Variants in SORCS3 observed in about 807,000 individuals in gnomAD.
SORCS3 encodes sortilin related VPS10 domain containing receptor 3.
In SORCS3, 57 loss-of-function variants were observed where a neutral mutation model predicts 146.3. That is an observed-to-expected ratio of 0.39 (90% confidence interval 0.31 to 0.49). The LOEUF is 0.49. SORCS3 is among the 20% of genes least tolerant of loss of function. The pLI, the probability that SORCS3 is intolerant of heterozygous loss-of-function variation, is 0.92. For missense variants in SORCS3, 1,341 were observed against 1,575.5 expected, an observed-to-expected ratio of 0.85 and a Z score of 2.52; for synonymous variants, 653 against 618.5, an observed-to-expected ratio of 1.06 and a Z score of -0.83.
chr10:104,808,261 CA>C (rs779985509), intron 1 of SORCS3, among the ~76,000 whole-genome samples: 2 of 152,082 alleles, frequency 1.3e-5, no homozygotes, highest in Non-Finnish European at 2.9e-5. Flanking sequence ...ATCCATTTAC[CA>C]AGGATTTATT....
intron 4 of SORCS3, among the ~76,000 whole-genome samples, chr10:105,035,768 C>T (rs974547774): frequency 5.9e-5 from 9 of 152,118 alleles, no homozygotes; most frequent in African/African-American, 1.9e-4. Flanking sequence ...ACCCGGCCAT[C>T]AAGTGCTTAT....
chr10:105,026,387 G>A (rs1289188281), intron 4 of SORCS3, among the ~76,000 whole-genome samples: 1 of 152,214 alleles, frequency 6.6e-6, no homozygotes, highest in Non-Finnish European at 1.5e-5. Flanking sequence ...ATTGTGGGCA[G>A]TCTTCTCTTT....
chr10:104,908,775 C>T lies in SORCS3; in HGVS notation c.696-7058C>T, dbSNP rs1426454712. ...CAATTGGTGTAAATGCAGAGGAGGG[C>T]GTGGGTGGGAATTATAGGAAAGATC... On this transcript the variant is annotated intron_variant, in intron 2 of 26. Coordinates refer to ENST00000369701, the MANE Select transcript of SORCS3 (RefSeq NM_014978.3). Among the ~76,000 whole-genome samples the T allele has an allele frequency of 3.9e-5, 6 of 152,112 alleles. No homozygotes were observed. In the South Asian group the frequency reaches 8.3e-4, roughly 21 times the overall value.
At chr10:104,712,233 G>A (rs1045692915) in intron 1 of SORCS3, among the ~76,000 whole-genome samples, 2 of 152,078 alleles carry the variant, frequency 1.3e-5, no homozygotes, top group African/African-American at 4.8e-5. Flanking sequence ...AGGAAATGGG[G>A]GTTCAGAAAG....
At chr10:104,689,739 A>G (rs2016091050) in intron 1 of SORCS3, among the ~76,000 whole-genome samples, 3 of 151,988 alleles carry the variant, frequency 2.0e-5, no homozygotes, top group African/African-American at 7.3e-5. Flanking sequence ...CTGCTTCACC[A>G]TCATATACCC....
chr10:105,036,226 T>C (rs900315414), intron 4 of SORCS3, among the ~76,000 whole-genome samples: 3 of 152,224 alleles, frequency 2.0e-5, no homozygotes, highest in African/African-American at 7.2e-5. Flanking sequence ...CTCTGGCTCA[T>C]CCATCATGAC....
At chr10:104,822,728 C>T (rs1260821969) in intron 1 of SORCS3, among the ~76,000 whole-genome samples, 1 of 152,164 alleles carries the variant, frequency 6.6e-6, no homozygotes, top group East Asian at 1.9e-4. Context: ...AGTTTTTCTA[C>T]CTCTAATGTC....
intron 2 of SORCS3, among the ~76,000 whole-genome samples, chr10:104,900,249 C>A (rs182021573): frequency 6.6e-6 from 1 of 152,170 alleles, no homozygotes; most frequent in Non-Finnish European, 1.5e-5. Flanking sequence ...TAACAGAATT[C>A]TCTCAGGCAC....
chr10:104,840,661 A>T (rs1279288472), intron 1 of SORCS3, among the ~76,000 whole-genome samples: 2 of 152,238 alleles, frequency 1.3e-5, no homozygotes, highest in Non-Finnish European at 2.9e-5. Flanking sequence ...CCAAGCTTTG[A>T]GTAAGGAGAA....
chr10:105,213,601 C>T (rs1323714724), intron 17 of SORCS3, among the ~76,000 whole-genome samples: 1 of 152,120 alleles, frequency 6.6e-6, no homozygotes, highest in Non-Finnish European at 1.5e-5. Context: ...GAAATATGCC[C>T]ATCATGCAGA....
intron 1 of SORCS3, among the ~76,000 whole-genome samples, chr10:104,807,751 G>A (rs1401278295): frequency 6.6e-6 from 1 of 152,182 alleles, no homozygotes; most frequent in African/African-American, 2.4e-5. Flanking sequence ...TCCAACACTT[G>A]CTGCTCTCCC....
chr10:104,675,988 G>C (rs1370652570), intron 1 of SORCS3, among the ~76,000 whole-genome samples: 5 of 152,180 alleles, frequency 3.3e-5, no homozygotes, highest in Admixed American at 2.0e-4. Context: ...TCTCTCAGCA[G>C]TGTTTCATAC....
At chr10:104,667,252 G>A (rs1275104487) in intron 1 of SORCS3, among the ~76,000 whole-genome samples, 4 of 152,242 alleles carry the variant, frequency 2.6e-5, no homozygotes, top group South Asian at 2.1e-4. Flanking sequence ...ACTTTCCCGA[G>A]CTCACGTGCT....
intron 14 of SORCS3, among the ~76,000 whole-genome samples, chr10:105,191,110 G>A (rs7068661): frequency 0.26 from 39,332 of 152,102 alleles, 5,156 homozygotes; most frequent in South Asian, 0.35. Flanking sequence ...TATGTGACAA[G>A]CACCTGTGAT....
chr10:105,217,224 C>T lies in SORCS3; in HGVS notation c.2734+102C>T. 2.6e-6 allele frequency: 3 copies of T among 1,155,186 alleles called. No homozygotes were observed. In the South Asian group the frequency reaches 4.2e-5, roughly 16 times the overall value. 71.6% of individuals were successfully genotyped at this position (1,155,186 alleles called of 1,614,324 possible). On this transcript the variant is annotated intron_variant, in intron 19 of 26. Transcript: ENST00000369701. ...AGAGCTGAGCCCAGGTTCAGTGTGA[C>T]TACTACAATTACCCAAACCAAATGG... is the stretch of plus-strand genomic sequence containing the variant.
At chr10:105,045,037 A>AAAAAAAAAAAAAAAAAAAAAGAAAGAAAG (rs796179490) in intron 5 of SORCS3, among the ~76,000 whole-genome samples, 3 of 128,746 alleles carry the variant, frequency 2.3e-5, no homozygotes, top group African/African-American at 5.6e-5. Flanking sequence ...AAAAAAAAAA[A>AAAAAAAAAAAAAAAAAAAAAGAAAGAAAG]AAAAGAAAGA....
At chr10:105,122,607 T>C (rs73350043) in intron 7 of SORCS3, among the ~76,000 whole-genome samples, 1 of 152,206 alleles carries the variant, frequency 6.6e-6, no homozygotes, top group Non-Finnish European at 1.5e-5. Context: ...CATGTGATAG[T>C]CACAAGACGG....
chr10:104,641,403 T>C lies in SORCS3; in HGVS notation c.76T>C (p.Ser26Pro). The change falls in exon 1 of 27, where the codon TCG becomes CCG. Residue 26 changes from serine (S) to proline (P), a missense_variant. Coordinates refer to ENST00000369701, the MANE Select transcript of SORCS3 (RefSeq NM_014978.3). The surrounding 1 kb of genome is among the most constrained non-coding windows in gnomAD (Gnocchi z 6.4). ...TGTCCGGACGGGGCTCCTACTCTTG[T>C]CGACGTGGGTCCTGGCCGGCGCCGA... is the stretch of plus-strand genomic sequence containing the variant. Reference protein sequence around the residue: ...PLVRTGLLLLSTWVLAGAEIT... With the variant: ...PLVRTGLLLLPTWVLAGAEIT... The C allele has an allele frequency of 6.8e-7, 1 of 1,461,258 alleles. No individual in the cohort carries two copies. The highest frequency in any genetic ancestry group is 9.0e-7 in the Non-Finnish European group (1 of 1,112,476). 90.5% of individuals were successfully genotyped at this position (1,461,258 alleles called of 1,614,324 possible). A position where few individuals can be genotyped will look rare whatever the true frequency, so the allele number is the denominator to read the frequency against.
chr10:105,065,822 A>G lies in SORCS3; in HGVS notation c.1028+22694A>G, dbSNP rs553333903. Among the ~76,000 whole-genome samples, 33 of 152,326 alleles carry G rather than the reference A, an allele frequency of 2.2e-4. 1 individual carries two copies. Among genetic ancestry groups the G allele is most frequent in the Admixed American group, 2.0e-3 (31 of 15,298 alleles). On this transcript the variant is annotated intron_variant, in intron 5 of 26. Coordinates refer to ENST00000369701, the MANE Select transcript of SORCS3 (RefSeq NM_014978.3). ...AGAAAGAAAAATCCAATAAACTCAA[A>G]TAACCAAATACATATATTTGATGTT...
Sources: allele counts gnomAD v4.1 joint callset (sites outside exome capture counted in the v4.1 genomes callset), GRCh38; gene constraint gnomAD v4.1.1; non-coding constraint Gnocchi (gnomAD v3.1); transcripts MANE v1.5; gene names NCBI Gene and HGNC (gene_info 2026-07-23, HGNC 2026-07-21).